The following GGACT variants were observed in gnomAD, a reference collection of about 807,000 sequenced individuals.
GGACT encodes the protein gamma-glutamylaminecyclotransferase.
For synonymous variants in GGACT, 118 were observed against 115.3 expected, an observed-to-expected ratio of 1.02 and a Z score of -0.15; for missense variants, 241 against 233.2, an observed-to-expected ratio of 1.03 and a Z score of -0.22.
At chr13:100,550,061 G>A (rs1217489817) in intron 2 of GGACT, among the ~76,000 whole-genome samples, 5 of 152,054 alleles carry the variant, frequency 3.3e-5, no homozygotes, top group East Asian at 1.9e-4. Context: ...AGAAGGGAGC[G>A]GGGAAGGCAA....
chr13:100,587,263 T>A (rs1875607436), intron 1 of GGACT: 4 of 152,254 alleles, frequency 2.6e-5, no homozygotes, highest in Admixed American at 2.6e-4. Context: ...CAGATCATTT[T>A]AAAATCCCTC....
chr13:100,539,664 C>G, intron 2 of GGACT: 1 of 520,752 alleles, frequency 1.9e-6, no homozygotes, highest in Non-Finnish European at 3.3e-6. Flanking sequence ...CTGTAGTTTT[C>G]TTTCTTGGAG....
chr13:100,562,327 A>T (rs2088770332), intron 2 of GGACT, among the ~76,000 whole-genome samples: 1 of 152,108 alleles, frequency 6.6e-6, no homozygotes, highest in African/African-American at 2.4e-5. Flanking sequence ...CAGAAAAAAA[A>T]ATTTTTCCTT....
In GGACT at chr13:100,532,124, TC is replaced by T; in HGVS notation, c.*5del. 1.4e-6 allele frequency: 2 copies of T among 1,433,900 alleles called. No homozygotes were observed. The highest frequency in any genetic ancestry group is 1.8e-6 in the Non-Finnish European group (2 of 1,088,076). 88.8% of individuals were successfully genotyped at this position (1,433,900 alleles called of 1,614,324 possible). A position where few individuals can be genotyped will look rare whatever the true frequency, so the allele number is the denominator to read the frequency against. ...CTCAAACCTAGGCCCACCCTGCCCG[TC>T]CCCCTTATCTGTTCTCCCGGGGGTT... On this transcript the variant is annotated 3_prime_UTR_variant, in exon 3 of 3. Transcript: ENST00000683975.
At chr13:100,542,974 T>C (rs150003199) in intron 2 of GGACT, among the ~76,000 whole-genome samples, 245 of 152,262 alleles carry the variant, frequency 1.6e-3, no homozygotes, top group African/African-American at 5.5e-3. Flanking sequence ...TGCATAACTG[T>C]TAGATTTTTT....
intron 2 of GGACT, among the ~76,000 whole-genome samples, chr13:100,579,641 G>A (rs1875354545): frequency 6.6e-6 from 1 of 152,114 alleles, no homozygotes; most frequent in African/African-American, 2.4e-5. Flanking sequence ...AGAACCTGAG[G>A]AGACAGGCCT....
At position 100,532,078 on chromosome 13, in the gene GGACT, G is replaced by A. The variant is rs576958731; in HGVS notation, c.*52C>T. On this transcript the variant is annotated 3_prime_UTR_variant, in exon 3 of 3. Transcript: ENST00000683975. ...CGCCTTCACCCAGCATGGGCTGGGC[G>A]CATCTTGGAGCCCCAGGGCTCTCAA... The A allele has an allele frequency of 1.5e-5, 20 of 1,307,174 alleles. No homozygotes were observed. The South Asian group carries it at 2.3e-4, about 15-fold the overall frequency. 81.0% of individuals were successfully genotyped at this position (1,307,174 alleles called of 1,614,324 possible). A position where few individuals can be genotyped will look rare whatever the true frequency, so the allele number is the denominator to read the frequency against.
intron 1 of GGACT, among the ~76,000 whole-genome samples, chr13:100,585,624 T>C (rs1003027547): frequency 1.3e-5 from 2 of 151,410 alleles, no homozygotes; most frequent in African/African-American, 4.8e-5. Context: ...AAAAATTAGT[T>C]GGGTGTGGTG....
chr13:100,532,747 G>A (rs16957483), intron 2 of GGACT, 146 bp from the exon 3 acceptor site: 209,587 of 623,994 alleles, frequency 0.34, 39,695 homozygotes, highest in East Asian at 0.56. Context: ...GTTACTTACC[G>A]ACGCAGATGA....
intron 2 of GGACT, chr13:100,538,182 C>CCTG (rs1307016701): frequency 1.6e-4 from 24 of 152,202 alleles, no homozygotes; most frequent in African/African-American, 5.3e-4. Flanking sequence ...TGGTGAGAGG[C>CCTG]AGCAGCAGGA....
chr13:100,574,192 C>T (rs1875183514), intron 2 of GGACT, among the ~76,000 whole-genome samples: 1 of 152,220 alleles, frequency 6.6e-6, no homozygotes, highest in African/African-American at 2.4e-5. Flanking sequence ...CCATGGACTA[C>T]TACAGTCATA....
At chr13:100,559,495 T>A (rs2088739267) in intron 2 of GGACT, among the ~76,000 whole-genome samples, 1 of 149,074 alleles carries the variant, frequency 6.7e-6, no homozygotes, top group African/African-American at 2.5e-5. Flanking sequence ...CCTGTACATT[T>A]TATTTTTATT....
chr13:100,540,735 C>A (rs2088545231), intron 2 of GGACT, among the ~76,000 whole-genome samples: 1 of 152,182 alleles, frequency 6.6e-6, no homozygotes, highest in Non-Finnish European at 1.5e-5. Context: ...CATGTTCAGC[C>A]CATCTCCAAG....
intron 1 of GGACT, 172 bp downstream of exon 1, chr13:100,588,569 G>C (rs1398143555): frequency 6.6e-6 from 1 of 151,916 alleles, no homozygotes; most frequent in Non-Finnish European, 1.5e-5. Context: ...TGGCCTCGCC[G>C]GCCGGCGGCG....
rs2088398194 is a variant in GGACT at position 100,532,031 on chromosome 13, G to A, written c.*99C>T. On this transcript the variant is annotated 3_prime_UTR_variant, in exon 3 of 3. Coordinates refer to ENST00000683975, the MANE Select transcript of GGACT (RefSeq NM_001195087.2). ...TTGGTTCCTTTCCGGCAGATTCATT[G>A]GAAAGGGCCCTGTTCGGCTTCCGCC... 6.4e-6 allele frequency: 5 copies of A among 780,976 alleles called. No homozygotes were observed. Among genetic ancestry groups the A allele is most frequent in the Non-Finnish European group, 9.2e-6 (5 of 544,872 alleles). 48.4% of individuals were successfully genotyped at this position (780,976 alleles called of 1,614,324 possible).
intron 2 of GGACT, among the ~76,000 whole-genome samples, chr13:100,544,057 G>A (rs1344240742): frequency 2.0e-5 from 3 of 152,204 alleles, no homozygotes; most frequent in African/African-American, 7.2e-5. Context: ...TCTACATGGT[G>A]GAGATGGAGT....
At chr13:100,541,984 GA>G (rs1490462009) in intron 2 of GGACT, among the ~76,000 whole-genome samples, 1 of 152,180 alleles carries the variant, frequency 6.6e-6, no homozygotes, top group Non-Finnish European at 1.5e-5. Flanking sequence ...TCTGTCATAA[GA>G]AAAACTTCAT....
chr13:100,565,807 C>T (rs779977608), intron 2 of GGACT, among the ~76,000 whole-genome samples: 1 of 152,156 alleles, frequency 6.6e-6, no homozygotes, highest in Non-Finnish European at 1.5e-5. Context: ...ACCCACCAAG[C>T]CCATGCCTGG....
At position 100,532,519 on chromosome 13, in the gene GGACT, G is replaced by A. The variant is rs868442623; in HGVS notation, c.73C>T (p.His25Tyr). 14 of 1,548,306 alleles carry A rather than the reference G, an allele frequency of 9.0e-6. No individual in the cohort carries two copies. Among genetic ancestry groups the A allele is most frequent in the Middle Eastern group, 1.7e-4 (1 of 6,002 alleles). The change falls in exon 3 of 3, where the codon CAC becomes TAC. Residue 25 changes from histidine (H) to tyrosine (Y), a missense_variant. By Grantham distance (83) the His-to-Tyr change is moderately conservative (BLOSUM62 2). Coordinates refer to ENST00000683975, the MANE Select transcript of GGACT (RefSeq NM_001195087.2). ...CGCGCCCGAAAGGCTGCGGAGCCGT[G>A]GGCGCCGTCCCGCAGGACCCTGTGG... ...PNHRVLRDGA[H>Y]GSAAFRARGR... is the part of the protein sequence containing the mutation.
Sources: gnomAD v4.1 joint callset for allele counts (sites outside exome capture counted in the v4.1 genomes callset) on GRCh38, gnomAD v4.1.1 for gene constraint, MANE v1.5 for transcripts, NCBI Gene and HGNC (gene_info 2026-07-23, HGNC 2026-07-21) for gene names.